EEFSEC: variants seen among roughly 807,000 people sequenced by gnomAD.
EEFSEC encodes the protein eukaryotic elongation factor, selenocysteine-tRNA specific.
Under a neutral mutation model 42.1 loss-of-function variants are expected in EEFSEC, and 43 were observed. The ratio of observed to expected loss-of-function variants is 1.02; its 90% CI spans 0.80 to 1.32. The LOEUF (loss-of-function observed/expected upper bound fraction) is 1.32. Ranked by LOEUF, EEFSEC falls within the 40% of genes most tolerant of loss-of-function variation. The probability of loss-of-function intolerance (pLI) is 0.00; values close to 1 mark genes in which losing one functional copy is unlikely to be tolerated. For synonymous variants in EEFSEC, 354 were observed against 339.1 expected (o/e 1.04, Z -0.48); for missense variants, 745 against 803.6 (o/e 0.93, Z 0.88).
At chr3:128,323,137 G>A (rs561833550) in intron 4 of EEFSEC, among the ~76,000 whole-genome samples, 11 of 152,134 alleles carry the variant, frequency 7.2e-5, no homozygotes, top group Non-Finnish European at 1.5e-4. Context: ...TCACATAAGT[G>A]GTGTATACTG....
intron 1 of EEFSEC, among the ~76,000 whole-genome samples, chr3:128,167,842 G>T (rs2065256768): frequency 6.6e-6 from 1 of 152,176 alleles, no homozygotes; most frequent in Non-Finnish European, 1.5e-5. Flanking sequence ...AGTTCAAAGG[G>T]GCTGAGTTGT....
chr3:128,351,878 C>T (rs958076702), intron 5 of EEFSEC, among the ~76,000 whole-genome samples: 2 of 152,186 alleles, frequency 1.3e-5, no homozygotes, highest in Admixed American at 6.5e-5. Flanking sequence ...CACTTAGCGC[C>T]ATTGTTGTAA....
intron 4 of EEFSEC, among the ~76,000 whole-genome samples, chr3:128,265,920 C>G (rs1212444106): frequency 6.6e-6 from 1 of 152,088 alleles, no homozygotes; most frequent in Admixed American, 6.5e-5. Flanking sequence ...ACTAATGCAC[C>G]TAGTATTAGA....
At chr3:128,386,093 A>T (rs1037281201) in intron 6 of EEFSEC, among the ~76,000 whole-genome samples, 24 of 152,222 alleles carry the variant, frequency 1.6e-4, no homozygotes, top group Non-Finnish European at 2.2e-4. Flanking sequence ...ATTGAGTTAG[A>T]TGAGTTGACT....
At chr3:128,325,197 G>C (rs2067051231) in intron 4 of EEFSEC, among the ~76,000 whole-genome samples, 1 of 152,198 alleles carries the variant, frequency 6.6e-6, no homozygotes, top group Non-Finnish European at 1.5e-5. Flanking sequence ...TTTGTTCCTG[G>C]GGAAGGGGGA....
At chr3:128,320,758 G>A (rs1464481315) in intron 4 of EEFSEC, among the ~76,000 whole-genome samples, 1 of 152,232 alleles carries the variant, frequency 6.6e-6, no homozygotes, top group Non-Finnish European at 1.5e-5. Context: ...AAGCAAGGCG[G>A]TAGCCACTCC....
chr3:128,329,821 A>G (rs1421189011), intron 4 of EEFSEC, among the ~76,000 whole-genome samples: 1 of 152,232 alleles, frequency 6.6e-6, no homozygotes, highest in Non-Finnish European at 1.5e-5. Flanking sequence ...CTGGGCTTTC[A>G]TAAACCTGGC....
At chr3:128,274,174 A>G (rs1164828661) in intron 4 of EEFSEC, among the ~76,000 whole-genome samples, 1 of 152,208 alleles carries the variant, frequency 6.6e-6, no homozygotes, top group Non-Finnish European at 1.5e-5. Flanking sequence ...CAAAGAAGTG[A>G]CAGCAGGGCT....
At chr3:128,417,075 C>T in the EEFSEC span, among the ~76,000 whole-genome samples, 1 of 152,090 alleles carries the variant, frequency 6.6e-6, no homozygotes, top group African/African-American at 2.4e-5. The surrounding 1 kb of genome is among the most constrained non-coding windows in gnomAD (Gnocchi z 4.3). Context: ...ATCAGTCAGC[C>T]CCCACCCCAT....
chr3:128,389,340 G>A (rs76609401), intron 6 of EEFSEC, among the ~76,000 whole-genome samples: 1,743 of 152,324 alleles, frequency 0.011, 32 homozygotes, highest in African/African-American at 0.04. Context: ...GAGGTCATCC[G>A]ATGTCCACAT....
chr3:128,187,278 T>C (rs2065475457), intron 1 of EEFSEC, among the ~76,000 whole-genome samples: 1 of 152,208 alleles, frequency 6.6e-6, no homozygotes, highest in South Asian at 2.1e-4. Context: ...AAACAAGTTC[T>C]TCTGTGGGAA....
At chr3:128,190,292 C>T (rs952591706) in intron 1 of EEFSEC, among the ~76,000 whole-genome samples, 7 of 152,220 alleles carry the variant, frequency 4.6e-5, no homozygotes, top group African/African-American at 1.7e-4. Context: ...CCTCTGAAGA[C>T]CTTCCAGTGG....
intron 1 of EEFSEC, among the ~76,000 whole-genome samples, chr3:128,229,970 T>C (rs984761755): frequency 6.6e-6 from 1 of 152,142 alleles, no homozygotes; most frequent in Non-Finnish European, 1.5e-5. Context: ...TTCCTTTTCC[T>C]TTCCTTTTCC....
chr3:128,352,447 G>T (rs57131094), intron 5 of EEFSEC, among the ~76,000 whole-genome samples: 3 of 152,146 alleles, frequency 2.0e-5, no homozygotes, highest in Non-Finnish European at 4.4e-5. Context: ...TCCCCTCCCC[G>T]CATCCAGCTG....
intron 1 of EEFSEC, among the ~76,000 whole-genome samples, chr3:128,186,900 A>G (rs2065471774): frequency 6.6e-6 from 1 of 151,640 alleles, no homozygotes. Flanking sequence ...TGTTTCTCCA[A>G]CTCCTCAGAT....
At chr3:128,295,667 G>A (rs1415758453) in intron 4 of EEFSEC, among the ~76,000 whole-genome samples, 2 of 149,862 alleles carry the variant, frequency 1.3e-5, no homozygotes, top group African/African-American at 4.9e-5. Context: ...ACCCAAGTTT[G>A]GGAGAAGTCA....
chr3:128,296,987 G>A (rs1277991035), intron 4 of EEFSEC, among the ~76,000 whole-genome samples: 2 of 152,180 alleles, frequency 1.3e-5, no homozygotes, highest in Non-Finnish European at 2.9e-5. Flanking sequence ...CAGAGGTTTG[G>A]CAAAGCTCCC....
At chr3:128,318,797 C>T (rs982462915) in intron 4 of EEFSEC, among the ~76,000 whole-genome samples, 3 of 152,256 alleles carry the variant, frequency 2.0e-5, no homozygotes, top group African/African-American at 7.2e-5. Flanking sequence ...TAACAGATGG[C>T]AGATGTGTAG....
At chr3:128,385,011 C>A (rs867615373) in intron 6 of EEFSEC, among the ~76,000 whole-genome samples, 37 of 152,282 alleles carry the variant, frequency 2.4e-4, no homozygotes, top group African/African-American at 7.0e-4. Context: ...ACAGGCAGAC[C>A]ATCCTACCAT....
Sources: gnomAD v4.1 joint callset for allele counts (sites outside exome capture counted in the v4.1 genomes callset) on GRCh38, gnomAD v4.1.1 for gene constraint, Gnocchi (gnomAD v3.1) non-coding constraint, MANE v1.5 for transcripts, NCBI Gene and HGNC (gene_info 2026-07-23, HGNC 2026-07-21) for gene names.